Variants in PACC1 observed in about 807,000 individuals in gnomAD.
PACC1 encodes the protein proton-activated chloride channel.
In PACC1, 34 loss-of-function variants were observed where a neutral mutation model predicts 39.7. That is an observed-to-expected ratio of 0.86 (90% CI 0.65 to 1.14). The LOEUF is 1.14. Among genes scored for constraint, PACC1 ranks in the 50% most tolerant of loss-of-function variants. The pLI, the probability that PACC1 is intolerant of heterozygous loss-of-function variation, is 0.00. For synonymous variants in PACC1, 127 were observed against 160.6 expected (o/e 0.79, Z 1.58); for missense variants, 379 against 436.4 (o/e 0.87, Z 1.17).
At position 212,365,109 on chromosome 1, in the gene PACC1, C is replaced by T. The variant is rs1660182567; in HGVS notation, c.*106G>A. On this transcript the variant is annotated 3_prime_UTR_variant, in exon 8 of 8. Coordinates refer to ENST00000261455, the MANE Select transcript of PACC1 (RefSeq NM_018252.3). Reference sequence around the variant, plus strand: ...ACATGCTGTTCCTCCCAGCAAGGCCCCATTTCTTCAAGTGAGTACAGGATT... The same window carrying T: ...ACATGCTGTTCCTCCCAGCAAGGCCTCATTTCTTCAAGTGAGTACAGGATT... The T allele has an allele frequency of 1.7e-6, 2 of 1,170,504 alleles. No homozygotes were observed. Among genetic ancestry groups the T allele is most frequent in the Middle Eastern group, 2.0e-4 (1 of 4,888 alleles). 72.5% of individuals were successfully genotyped at this position (1,170,504 alleles called of 1,614,324 possible). A position where few individuals can be genotyped will look rare whatever the true frequency, so the allele number is the denominator to read the frequency against.
chr1:212,373,921 A>C (rs902171246), intron 7 of PACC1, among the ~76,000 whole-genome samples: 31 of 152,148 alleles, frequency 2.0e-4, no homozygotes, highest in African/African-American at 7.5e-4. Context: ...GTAATAATTT[A>C]CATTATTAAA....
chr1:212,378,592 C>T (rs968418971), intron 5 of PACC1, among the ~76,000 whole-genome samples: 4 of 152,184 alleles, frequency 2.6e-5, no homozygotes, highest in Admixed American at 6.5e-5. Flanking sequence ...TCAACTCAGG[C>T]ACATGAAGAA....
At chr1:212,377,177 G>C (rs1660694780) in intron 6 of PACC1, among the ~76,000 whole-genome samples, 1 of 152,164 alleles carries the variant, frequency 6.6e-6, no homozygotes, top group South Asian at 2.1e-4. Flanking sequence ...GGATCAACAT[G>C]CACACTTGGG....
At chr1:212,394,892 C>G (rs1315045125) in intron 2 of PACC1, among the ~76,000 whole-genome samples, 2 of 152,084 alleles carry the variant, frequency 1.3e-5, no homozygotes, top group African/African-American at 4.8e-5. Flanking sequence ...ATGTGAAGGA[C>G]CTCTTCAAGG....
chr1:212,403,688 C>T (rs1311799030), intron 2 of PACC1, among the ~76,000 whole-genome samples: 1 of 152,210 alleles, frequency 6.6e-6, no homozygotes, highest in Non-Finnish European at 1.5e-5. Flanking sequence ...CCTCAGCCTC[C>T]CAAGTAGCTG....
At position 212,414,123 on chromosome 1, in the gene PACC1, T is replaced by TA. The variant is rs576514902; in HGVS notation, c.36+598dup. 4.9e-5 allele frequency: 73 copies of TA among 1,486,718 alleles called. No individual in the cohort carries two copies. In the East Asian group the frequency reaches 1.7e-3, roughly 34 times the overall value. The allele number at this position is 1,486,718 out of a possible 1,614,324, so 92.1% of individuals were successfully genotyped here. On this transcript the variant is annotated intron_variant, in intron 1 of 7. Transcript: ENST00000261455. Reference sequence around the variant, plus strand: ...GAAGAGACAAAGAACTGGAAAGTGATAAAGTCGTGGGAGGAGGTGAGACTG... The same window carrying TA: ...GAAGAGACAAAGAACTGGAAAGTGATAAAAGTCGTGGGAGGAGGTGAGACTG...
intron 2 of PACC1, among the ~76,000 whole-genome samples, chr1:212,401,208 G>C (rs911587393): frequency 1.3e-5 from 2 of 152,190 alleles, no homozygotes; most frequent in African/African-American, 4.8e-5. Context: ...CCATACCCAA[G>C]AGTGGTTACT....
chr1:212,410,389 G>T (rs1419993933), intron 2 of PACC1, 36 bp downstream of exon 2: 2 of 1,595,990 alleles, frequency 1.3e-6, no homozygotes, highest in East Asian at 4.5e-5. Context: ...GTGTCCAGCT[G>T]CAGCAACAGC....
chr1:212,380,860 T>G (rs2102487283), intron 4 of PACC1, among the ~76,000 whole-genome samples: 1 of 152,366 alleles, frequency 6.6e-6, no homozygotes, highest in African/African-American at 2.4e-5. Flanking sequence ...CTAAGTATGC[T>G]TTAAGACTAG....
intron 2 of PACC1, chr1:212,387,827 G>A (rs999619975): frequency 6.6e-6 from 1 of 152,394 alleles, no homozygotes; most frequent in Non-Finnish European, 1.5e-5. Flanking sequence ...GCCGAGGCAG[G>A]AGGATCACCT....
intron 6 of PACC1, 126 bp downstream of exon 6, chr1:212,377,436 C>G: frequency 7.5e-7 from 1 of 1,327,224 alleles, no homozygotes; most frequent in Non-Finnish European, 1.0e-6. Flanking sequence ...CCCTTCTCAT[C>G]CTGACCAAGG....
chr1:212,383,004 C>T (rs778950739), intron 4 of PACC1, among the ~76,000 whole-genome samples: 5 of 152,236 alleles, frequency 3.3e-5, no homozygotes, highest in Non-Finnish European at 7.3e-5. Context: ...CCCCTTCTTC[C>T]TTTTCCAAAT....
intron 7 of PACC1, among the ~76,000 whole-genome samples, chr1:212,366,801 C>T (rs1660261625): frequency 6.6e-6 from 1 of 152,146 alleles, no homozygotes. Context: ...ATTCAATAAG[C>T]CTCTGCACAT....
chr1:212,396,726 C>T (rs79156695), intron 2 of PACC1, among the ~76,000 whole-genome samples: 29 of 148,856 alleles, frequency 1.9e-4, no homozygotes, highest in South Asian at 6.3e-4. Flanking sequence ...AAAACCATCC[C>T]GAGGCAAATA....
intron 2 of PACC1, among the ~76,000 whole-genome samples, chr1:212,402,047 T>C (rs1244574642): frequency 6.6e-6 from 1 of 152,250 alleles, no homozygotes; most frequent in Non-Finnish European, 1.5e-5. Flanking sequence ...CATTCATCAG[T>C]TGATAGTCAT....
intron 2 of PACC1, among the ~76,000 whole-genome samples, chr1:212,388,960 A>G (rs1171299501): frequency 1.3e-5 from 2 of 152,176 alleles, no homozygotes; most frequent in Non-Finnish European, 2.9e-5. Context: ...CTGGCTTCCA[A>G]CAGTGACAGA....
chr1:212,393,907 T>G (rs973440007), intron 2 of PACC1, among the ~76,000 whole-genome samples: 1 of 152,080 alleles, frequency 6.6e-6, no homozygotes, highest in Non-Finnish European at 1.5e-5. Context: ...AATCTCTGAA[T>G]AGACCAATAA....
chr1:212,406,865 T>G (rs2102540209), intron 2 of PACC1, among the ~76,000 whole-genome samples: 1 of 152,298 alleles, frequency 6.6e-6, no homozygotes, highest in East Asian at 1.9e-4. Context: ...CTGATTTACC[T>G]GGGCACTTCT....
chr1:212,400,699 C>A (rs1661680600), intron 2 of PACC1, among the ~76,000 whole-genome samples: 1 of 152,120 alleles, frequency 6.6e-6, no homozygotes, highest in South Asian at 2.1e-4. Flanking sequence ...CTTTTTGTGG[C>A]AAACTGGATG....
Sources: gnomAD v4.1 joint callset for allele counts (sites outside exome capture counted in the v4.1 genomes callset) on GRCh38, gnomAD v4.1.1 for gene constraint, MANE v1.5 for transcripts, NCBI Gene and HGNC (gene_info 2026-07-23, HGNC 2026-07-21) for gene names.